Variants in CAST observed in about 807,000 individuals in gnomAD.
CAST encodes MIR583 host.
CAST carries 76 observed loss-of-function variants against 119.6 expected under a neutral mutation model. The observed-to-expected ratio is 0.64, with a 90% confidence interval of 0.53 to 0.77. The LOEUF (loss-of-function observed/expected upper bound fraction) is 0.77, where lower values mean the gene tolerates loss of function less well. Ranked by LOEUF, CAST falls within the 30% of genes least tolerant of loss-of-function variation. CAST has a pLI of 0.00. For synonymous variants in CAST, 319 were observed against 331.6 expected (o/e 0.96, Z 0.41); for missense variants, 953 against 946.5 (o/e 1.01, Z -0.09).
chr5:95,961,431 C>T, the CAST span: 3 of 1,041,770 alleles, frequency 2.9e-6, no homozygotes, highest in East Asian at 1.0e-4. Flanking sequence ...GCCACCCTGC[C>T]CGGCCCTGCC....
chr5:96,106,949 G>C, the CAST span, among the ~76,000 whole-genome samples: 1 of 142,350 alleles, frequency 7.0e-6, no homozygotes, highest in Non-Finnish European at 1.5e-5. Flanking sequence ...AGCTCCTCTT[G>C]TTGAATTGAT....
the CAST span, among the ~76,000 whole-genome samples, chr5:96,292,228 G>A: frequency 6.6e-6 from 1 of 152,140 alleles, no homozygotes; most frequent in Non-Finnish European, 1.5e-5. Flanking sequence ...TAGGCATCAA[G>A]AATGAAATTT....
the CAST span, among the ~76,000 whole-genome samples, chr5:96,122,706 G>T: frequency 6.6e-6 from 1 of 151,532 alleles, no homozygotes; most frequent in Middle Eastern, 3.4e-3. Context: ...CTGAAAGCAA[G>T]AGTTTACTGT....
At chr5:96,745,061 T>A (rs944342849) in intron 16 of CAST, among the ~76,000 whole-genome samples, 1 of 152,268 alleles carries the variant, frequency 6.6e-6, no homozygotes, top group East Asian at 1.9e-4. Context: ...TGGCCGCATG[T>A]GTAACTTTCA....
the CAST span, among the ~76,000 whole-genome samples, chr5:96,159,961 C>CAAAAAAAAAAAA: frequency 8.9e-6 from 1 of 112,476 alleles, no homozygotes; most frequent in Non-Finnish European, 1.9e-5. Context: ...TGAAACCTGT[C>CAAAAAAAAAAAA]TCTACTAAAA....
the CAST span, among the ~76,000 whole-genome samples, chr5:96,477,065 AACACACACACACACACACACAC>A: frequency 3.4e-4 from 46 of 136,718 alleles, 1 homozygote; most frequent in South Asian, 2.2e-3. Context: ...AATGTGCCAA[AACACACACACACACACACACAC>A]ACACACACAC....
the CAST span, among the ~76,000 whole-genome samples, chr5:96,118,934 C>T: frequency 6.6e-6 from 1 of 152,012 alleles, no homozygotes; most frequent in African/African-American, 2.4e-5. Context: ...TAACTAGTTT[C>T]ACCACACTCC....
At chr5:96,607,746 G>A (rs1189752686) in intron 1 of CAST, among the ~76,000 whole-genome samples, 1 of 152,208 alleles carries the variant, frequency 6.6e-6, no homozygotes, top group Admixed American at 6.5e-5. Flanking sequence ...CACAGCACAA[G>A]GAGAGACTGC....
At chr5:96,290,847 G>A in the CAST span, among the ~76,000 whole-genome samples, 1 of 152,182 alleles carries the variant, frequency 6.6e-6, no homozygotes, top group African/African-American at 2.4e-5. Context: ...TCTTGGTCTT[G>A]TATAATCCCC....
At chr5:96,542,196 A>G (rs1171959733) in intron 1 of CAST, among the ~76,000 whole-genome samples, 4 of 151,736 alleles carry the variant, frequency 2.6e-5, no homozygotes, top group African/African-American at 7.3e-5. Flanking sequence ...TGTAGTCCCA[A>G]CTACTCAGGA....
the CAST span, among the ~76,000 whole-genome samples, chr5:96,342,893 A>G: frequency 2.0e-5 from 3 of 152,190 alleles, no homozygotes; most frequent in Non-Finnish European, 2.9e-5. Flanking sequence ...TTGGTACCGC[A>G]TAAGTTGATT....
chr5:96,648,546 C>A (rs1461829370), intron 1 of CAST, among the ~76,000 whole-genome samples: 2 of 151,360 alleles, frequency 1.3e-5, no homozygotes, highest in Non-Finnish European at 2.9e-5. Context: ...TAAGTTTCAG[C>A]ACTTGAATTA....
chr5:96,366,733 T>A, the CAST span, among the ~76,000 whole-genome samples: 1 of 152,216 alleles, frequency 6.6e-6, no homozygotes, highest in African/African-American at 2.4e-5. Context: ...ACTCACCTAA[T>A]CTTTTTTCAA....
the CAST span, chr5:96,248,051 A>G: frequency 2.0e-5 from 3 of 152,376 alleles, no homozygotes; most frequent in Admixed American, 2.0e-4. Context: ...CTTTGAGGTC[A>G]GTGAGAAGGG....
At chr5:96,236,120 T>A in the CAST span, among the ~76,000 whole-genome samples, 3 of 100,398 alleles carry the variant, frequency 3.0e-5, no homozygotes, top group Non-Finnish European at 5.3e-5. Flanking sequence ...TGTCTATCTA[T>A]CTATCTCTCT....
At chr5:96,311,983 C>T in the CAST span, among the ~76,000 whole-genome samples, 1 of 151,784 alleles carries the variant, frequency 6.6e-6, no homozygotes, top group Admixed American at 6.6e-5. Flanking sequence ...TTTGTAGATA[C>T]TTTGTTTCTT....
At chr5:96,080,688 A>G in the CAST span, among the ~76,000 whole-genome samples, 11 of 152,146 alleles carry the variant, frequency 7.2e-5, no homozygotes, top group Non-Finnish European at 1.5e-4. Flanking sequence ...CAATTGTGGG[A>G]GATAAGTTTA....
chr5:96,749,855 T>C (rs528544489), intron 19 of CAST, among the ~76,000 whole-genome samples: 17 of 152,344 alleles, frequency 1.1e-4, no homozygotes, highest in African/African-American at 3.8e-4. Flanking sequence ...CTTGAAACTT[T>C]ATTCTTGTGA....
At chr5:96,491,477 C>A in the CAST span, among the ~76,000 whole-genome samples, 125 of 82,454 alleles carry the variant, frequency 1.5e-3, no homozygotes, top group African/African-American at 5.2e-3. Context: ...GGGGACAGAG[C>A]GAGACTCCAT....
Sources: allele counts gnomAD v4.1 joint callset (sites outside exome capture counted in the v4.1 genomes callset), GRCh38; gene constraint gnomAD v4.1.1; transcripts MANE v1.5; gene names NCBI Gene and HGNC (gene_info 2026-07-23, HGNC 2026-07-21).